Variants in ANK1 observed in about 807,000 individuals in gnomAD.
The protein encoded by ANK1 is ankyrin-1.
A neutral mutation model predicts 210.4 loss-of-function variants in ANK1; 51 were observed. The ratio of observed to expected loss-of-function variants is 0.24; its 90% CI spans 0.19 to 0.31. The LOEUF is 0.31. ANK1 is among the 10% of genes least tolerant of loss of function. The pLI is 1.00. For missense variants in ANK1, 2,051 were observed against 2,504.4 expected, an observed-to-expected ratio of 0.82 and a Z score of 3.86; for synonymous variants, 967 against 1,025.9, an observed-to-expected ratio of 0.94 and a Z score of 1.10.
intron 11 of ANK1, among the ~76,000 whole-genome samples, 155 bp downstream of exon 11, chr8:41,717,951 G>A (rs1460884144): frequency 6.6e-6 from 1 of 152,086 alleles, no homozygotes; most frequent in Non-Finnish European, 1.5e-5. Context: ...ATGTTCCCTT[G>A]TCTTAGTCAC....
rs770043876 is a variant in ANK1 at position 41,690,579 on chromosome 8, C to T, written c.3879G>A (p.Leu1293=). 4.3e-6 allele frequency: 7 copies of T among 1,613,640 alleles called. No individual in the cohort carries two copies. The Admixed American group carries it at 5.0e-5, about 12-fold the overall frequency. The change falls in exon 32 of 43, where the codon CTG becomes CTA. Residue 1293 remains leucine (L), a synonymous_variant. Transcript: ENST00000289734. The part of the protein sequence containing the change: ...RDIEVLEGMS[L]FAELSGNLVP... ...CCAGGTTCCCAGAGAGTTCTGCAAACAGGGACATTCCTTCCAACACCTGCA... is the reference window on the plus strand; with the variant it reads ...CCAGGTTCCCAGAGAGTTCTGCAAATAGGGACATTCCTTCCAACACCTGCA...
chr8:41,850,662 G>T (rs1275433398), intron 1 of ANK1, among the ~76,000 whole-genome samples: 1 of 151,908 alleles, frequency 6.6e-6, no homozygotes, highest in Non-Finnish European at 1.5e-5. Flanking sequence ...TTATATTTTT[G>T]CAGAGATGGG....
rs553947065 is a variant in ANK1 at position 41,827,733 on chromosome 8, T to TA, written c.126+68621_126+68622insT. Among the ~76,000 whole-genome samples the TA allele has an allele frequency of 5.7e-3, 427 of 75,070 alleles. 3 individuals are homozygous for TA. Among genetic ancestry groups the TA allele is most frequent in the African/African-American group, 0.032 (405 of 12,826 alleles). The allele number at this position is 75,070 out of a possible 152,430, so 49.2% of individuals were successfully genotyped here. A position where few individuals can be genotyped will look rare whatever the true frequency, so the allele number is the denominator to read the frequency against. On this transcript the variant is annotated intron_variant, in intron 1 of 42. Coordinates refer to the ANK1 transcript ENST00000265709. The stretch of plus-strand genomic sequence containing the variant: ...GCACACCCACTCACACTCACACACA[T>TA]CCACACACGCATACATACACCCACT...
intron 1 of ANK1, among the ~76,000 whole-genome samples, chr8:41,820,610 G>A (rs1253167239): frequency 3.9e-5 from 6 of 152,028 alleles, no homozygotes; most frequent in African/African-American, 9.7e-5. Flanking sequence ...TAGCTGCAGG[G>A]GTCCCAGAGC....
At position 41,882,395 on chromosome 8, in the gene ANK1, G is replaced by A. The variant is rs553186320; in HGVS notation, c.126+13960C>T. Among the ~76,000 whole-genome samples the A allele has an allele frequency of 3.0e-4, 46 of 152,122 alleles. 1 individual carries two copies. The highest frequency in any genetic ancestry group is 2.8e-3 in the Admixed American group (42 of 15,268). On this transcript the variant is annotated intron_variant, in intron 1 of 42. Coordinates refer to the ANK1 transcript ENST00000265709. Reference sequence around the variant, plus strand: ...CCCAAACCTGACCATCACCTTCCTGGGGGAGTTCCCTCTCTCCTCTCCCCA... The same window carrying A: ...CCCAAACCTGACCATCACCTTCCTGAGGGAGTTCCCTCTCTCCTCTCCCCA...
chr8:41,668,266 C>A lies in ANK1; in HGVS notation c.5394+1G>T, dbSNP rs1811184561. 1 of 1,614,128 alleles carries A rather than the reference C, an allele frequency of 6.2e-7. No homozygotes were observed. The highest frequency in any genetic ancestry group is 1.7e-5 in the Admixed American group (1 of 60,014). ...GCACGCAGCTCCCCTCGGGCTCTCA[C>A]CTGCACCACTTGGGTGAAGGTGTTC... is the stretch of plus-strand genomic sequence containing the variant. On this transcript the variant is annotated splice_donor_variant, in intron 39 of 42. Transcript: ENST00000289734. LOFTEE classifies it high-confidence loss of function.
intron 1 of ANK1, among the ~76,000 whole-genome samples, chr8:41,794,280 T>G (rs879639): frequency 3.9e-5 from 6 of 152,298 alleles, no homozygotes; most frequent in Non-Finnish European, 8.8e-5. Flanking sequence ...CTCCTGCTCC[T>G]CCTGCCTCAC....
intron 36 of ANK1, among the ~76,000 whole-genome samples, chr8:41,685,823 C>T (rs115263411): frequency 6.6e-6 from 1 of 152,188 alleles, no homozygotes; most frequent in Admixed American, 6.5e-5. Context: ...CTATGTTACA[C>T]AGTCTGTTCT....
chr8:41,782,156 A>G (rs952217240), intron 1 of ANK1, among the ~76,000 whole-genome samples: 4 of 152,206 alleles, frequency 2.6e-5, no homozygotes, highest in African/African-American at 9.7e-5. Flanking sequence ...GGGGCCCTTT[A>G]GCAAGGGTTC....
intron 39 of ANK1, among the ~76,000 whole-genome samples, chr8:41,666,909 A>G (rs1810727816): frequency 6.6e-6 from 1 of 152,204 alleles, no homozygotes; most frequent in African/African-American, 2.4e-5. Context: ...TCTGGTCCAC[A>G]GTGCCCTCAT....
At chr8:41,718,743 G>A (rs140550519) in intron 10 of ANK1, among the ~76,000 whole-genome samples, 28 of 152,254 alleles carry the variant, frequency 1.8e-4, no homozygotes, top group Non-Finnish European at 3.5e-4. Context: ...GGGGGGTATC[G>A]TTTGCACCTC....
intron 3 of ANK1, among the ~76,000 whole-genome samples, chr8:41,728,907 G>A (rs922390281): frequency 3.9e-5 from 6 of 152,176 alleles, no homozygotes; most frequent in South Asian, 2.1e-4. Flanking sequence ...CTGCAGCTCC[G>A]CTCAGCCTGC....
Position 41,853,666 on chromosome 8 carries a change from G to A in ANK1, c.126+42689C>T, listed in dbSNP as rs58276253. ...CAATCTCTTGGTCCCTACCCCCACC[G>A]CCTTATAACAGATACCTATAGAGGC... On this transcript the variant is annotated intron_variant, in intron 1 of 42. Coordinates refer to the ANK1 transcript ENST00000265709. Among the ~76,000 whole-genome samples the A allele has an allele frequency of 4.4e-3, 673 of 152,136 alleles. 4 individuals are homozygous for A. Among genetic ancestry groups the A allele is most frequent in the African/African-American group, 0.015 (642 of 41,498 alleles).
intron 1 of ANK1, among the ~76,000 whole-genome samples, chr8:41,774,012 G>C (rs936409229): frequency 6.6e-6 from 1 of 152,206 alleles, no homozygotes; most frequent in South Asian, 2.1e-4. Context: ...TTCAGTATCT[G>C]TGTCTCTTTT....
intron 1 of ANK1, among the ~76,000 whole-genome samples, chr8:41,773,599 G>C (rs1360336087): frequency 1.3e-5 from 2 of 152,170 alleles, no homozygotes; most frequent in African/African-American, 4.8e-5. Flanking sequence ...TGCACACCGG[G>C]TCTCTTTTTC....
At chr8:41,711,244 C>G (rs1826036141) in intron 16 of ANK1, among the ~76,000 whole-genome samples, 1 of 152,140 alleles carries the variant, frequency 6.6e-6, no homozygotes, top group Non-Finnish European at 1.5e-5. Context: ...TCAGCGCTGG[C>G]CCAGAGAAGA....
At chr8:41,715,169 T>G (rs1827283693) in intron 14 of ANK1, 95 bp from the exon 15 acceptor site, 2 of 1,175,678 alleles carry the variant, frequency 1.7e-6, no homozygotes, top group Non-Finnish European at 1.3e-6. Context: ...TCCGCTGGCA[T>G]GGAGAGGCCA....
chr8:41,856,874 CTTTTTTTT>C lies in ANK1; in HGVS notation c.126+39473_126+39480del, dbSNP rs35341809. On this transcript the variant is annotated intron_variant, in intron 1 of 42. Transcript: ENST00000265709. Reference sequence around the variant, plus strand: ...TTTCGCCTTGGTGCTTAACAGCCCTCTTTTTTTTTTTTTTTTTTTTTTTTTGAGACAGG... The same window carrying C: ...TTTCGCCTTGGTGCTTAACAGCCCTCTTTTTTTTTTTTTTTTTGAGACAGG... Among the ~76,000 whole-genome samples, 23 of 95,274 alleles carry C rather than the reference CTTTTTTTT, an allele frequency of 2.4e-4. No homozygotes were observed. In the East Asian group the frequency reaches 2.9e-3, roughly 12 times the overall value. The allele number at this position is 95,274 out of a possible 152,430, so 62.5% of individuals were successfully genotyped here. A position where few individuals can be genotyped will look rare whatever the true frequency, so the allele number is the denominator to read the frequency against.
chr8:41,846,293 C>G (rs1046937940), intron 1 of ANK1, among the ~76,000 whole-genome samples: 1 of 152,282 alleles, frequency 6.6e-6, no homozygotes, highest in Non-Finnish European at 1.5e-5. Context: ...GCAGCCCACA[C>G]TGCCCATTAT....
Sources: gnomAD v4.1 joint callset for allele counts (sites outside exome capture counted in the v4.1 genomes callset) on GRCh38, gnomAD v4.1.1 for gene constraint, MANE v1.5 for transcripts, NCBI Gene and HGNC (gene_info 2026-07-23, HGNC 2026-07-21) for gene names.